GLIS3: variants seen among roughly 807,000 people sequenced by gnomAD.
GLIS3 encodes the protein zinc finger protein GLIS3.
GLIS3 carries 53 observed loss-of-function variants against 78.6 expected under a neutral mutation model. The ratio of observed to expected loss-of-function variants is 0.67; its 90% CI spans 0.54 to 0.85. The LOEUF is 0.85. Among genes scored for constraint, GLIS3 ranks in the 40% least tolerant of loss-of-function variants. The pLI is 0.00. For missense variants in GLIS3, 1,703 were observed against 1,231.1 expected (o/e 1.38, Z -5.74); for synonymous variants, 684 against 509.9 (o/e 1.34, Z -4.60).
At chr9:4,094,067 C>A (rs1322778923) in intron 4 of GLIS3, among the ~76,000 whole-genome samples, 1 of 152,104 alleles carries the variant, frequency 6.6e-6, no homozygotes, top group Non-Finnish European at 1.5e-5. Context: ...ATCATCTGTT[C>A]CGTGGATGCT....
At chr9:4,174,330 T>A (rs560521093) in intron 2 of GLIS3, among the ~76,000 whole-genome samples, 111 of 152,284 alleles carry the variant, frequency 7.3e-4, no homozygotes, top group Non-Finnish European at 1.2e-3. Context: ...TGCTTGGACA[T>A]GCCAAGGAAA....
chr9:4,132,635 A>G (rs1586762452), intron 2 of GLIS3, among the ~76,000 whole-genome samples: 2 of 152,116 alleles, frequency 1.3e-5, no homozygotes, highest in Non-Finnish European at 2.9e-5. Context: ...AGCAAGATTA[A>G]CCCAGTCCCC....
intron 2 of GLIS3, among the ~76,000 whole-genome samples, chr9:4,245,404 T>G (rs1054545830): frequency 6.6e-6 from 1 of 152,218 alleles, no homozygotes; most frequent in Non-Finnish European, 1.5e-5. Flanking sequence ...AAATTTCAAT[T>G]ATAAGCAATT....
chr9:4,015,261 T>G (rs1191558855), intron 4 of GLIS3, among the ~76,000 whole-genome samples: 1 of 152,142 alleles, frequency 6.6e-6, no homozygotes, highest in Non-Finnish European at 1.5e-5. Flanking sequence ...ATTGGTAGCA[T>G]TAGAGAATTG....
intron 4 of GLIS3, among the ~76,000 whole-genome samples, chr9:4,031,283 T>G (rs953482583): frequency 4.6e-5 from 7 of 152,156 alleles, no homozygotes; most frequent in African/African-American, 1.4e-4. Flanking sequence ...GACATGTACA[T>G]GCAATGGAAT....
chr9:4,462,802 C>G, the GLIS3 span, among the ~76,000 whole-genome samples: 136 of 152,190 alleles, frequency 8.9e-4, no homozygotes, highest in Non-Finnish European at 1.6e-3. Flanking sequence ...ACAGCAAGAT[C>G]TTGCCTCAAA....
intron 2 of GLIS3, among the ~76,000 whole-genome samples, chr9:4,269,185 T>A (rs1826282656): frequency 6.6e-6 from 1 of 152,156 alleles, no homozygotes; most frequent in Non-Finnish European, 1.5e-5. Flanking sequence ...CTCTAAGGGA[T>A]CTCCTCTCAA....
rs557983922 is a variant in GLIS3 at position 4,184,293 on chromosome 9, T to C, written c.389-58352A>G. 2.1e-3 allele frequency among the ~76,000 whole-genome samples: 324 copies of C among 152,336 alleles called. 2 individuals carry two copies. Among genetic ancestry groups the C allele is most frequent in the Non-Finnish European group, 3.6e-3 (247 of 68,032 alleles). On this transcript the variant is annotated intron_variant, in intron 2 of 10. Coordinates refer to ENST00000381971, the MANE Select transcript of GLIS3 (RefSeq NM_001042413.2). ...GAGCCCTTGTGTCTTTGCATGAAGA[T>C]ATGTGACTGCACAAGGATGTTGTAA...
At chr9:3,988,641 C>G in intron 4 of GLIS3, among the ~76,000 whole-genome samples, 1 of 152,038 alleles carries the variant, frequency 6.6e-6, no homozygotes, top group East Asian at 1.9e-4. Context: ...GATGCATAAT[C>G]AACTCAGTGA....
rs115554018 is a variant in GLIS3 at position 4,000,536 on chromosome 9, C to T, written c.1711-63347G>A. On this transcript the variant is annotated intron_variant, in intron 4 of 10. Coordinates refer to ENST00000381971, the MANE Select transcript of GLIS3 (RefSeq NM_001042413.2). ...TATATTCACTCTGGTAGGTAAAATA[C>T]ATTTATCTACCAGAGGGTAGAAAAT... Among the ~76,000 whole-genome samples, 735 of 151,994 alleles carry T rather than the reference C, an allele frequency of 4.8e-3. 6 individuals are homozygous for T. Among genetic ancestry groups the T allele is most frequent in the African/African-American group, 0.016 (681 of 41,442 alleles).
the GLIS3 span, among the ~76,000 whole-genome samples, chr9:4,359,565 C>A: frequency 1.3e-5 from 2 of 152,168 alleles, no homozygotes; most frequent in Admixed American, 1.3e-4. Flanking sequence ...ACAGGGGCAA[C>A]AGACCCACTA....
intron 6 of GLIS3, among the ~76,000 whole-genome samples, chr9:3,911,998 G>A (rs1156739556): frequency 2.0e-5 from 3 of 152,124 alleles, no homozygotes; most frequent in Non-Finnish European, 4.4e-5. Context: ...GGAAAAGGAT[G>A]GAGACTTCGG....
chr9:3,858,129 G>A (rs1218784231), intron 8 of GLIS3, among the ~76,000 whole-genome samples: 2 of 152,046 alleles, frequency 1.3e-5, no homozygotes, highest in Middle Eastern at 3.2e-3. Context: ...TCCTTTGATC[G>A]GCTCCCCAAT....
chr9:4,283,877 T>C (rs1827768184), intron 2 of GLIS3, among the ~76,000 whole-genome samples: 1 of 152,142 alleles, frequency 6.6e-6, no homozygotes, highest in Non-Finnish European at 1.5e-5. Context: ...AATACAGCTG[T>C]CCTCTACCCC....
chr9:4,322,123 G>T (rs777662684), intron 2 of GLIS3, among the ~76,000 whole-genome samples: 4 of 152,124 alleles, frequency 2.6e-5, no homozygotes, highest in Non-Finnish European at 5.9e-5. Context: ...GTGAGAACAT[G>T]CGGTGTTTGG....
At chr9:3,904,392 C>T (rs781664280) in intron 6 of GLIS3, among the ~76,000 whole-genome samples, 3 of 152,214 alleles carry the variant, frequency 2.0e-5, no homozygotes, top group East Asian at 1.9e-4. Context: ...CAAGAGTTTT[C>T]GGCCTGCCCT....
At chr9:4,345,495 A>G (rs563834951) in intron 2 of GLIS3, among the ~76,000 whole-genome samples, 9 of 152,210 alleles carry the variant, frequency 5.9e-5, no homozygotes, top group East Asian at 1.9e-4. Context: ...TAGGTGCTCA[A>G]TAAGTATTTT....
intron 2 of GLIS3, among the ~76,000 whole-genome samples, chr9:4,284,097 C>T (rs1056146483): frequency 2.6e-5 from 4 of 152,294 alleles, no homozygotes; most frequent in African/African-American, 7.2e-5. Flanking sequence ...CACTGCTGAC[C>T]GCCATCAAAG....
intron 2 of GLIS3, among the ~76,000 whole-genome samples, chr9:4,208,279 G>A (rs892301684): frequency 2.0e-5 from 3 of 152,144 alleles, no homozygotes; most frequent in African/African-American, 4.8e-5. Context: ...ATAATTAAGC[G>A]GCTTGGGCAT....
Sources: allele counts gnomAD v4.1 joint callset (sites outside exome capture counted in the v4.1 genomes callset), GRCh38; gene constraint gnomAD v4.1.1; transcripts MANE v1.5; gene names NCBI Gene and HGNC (gene_info 2026-07-23, HGNC 2026-07-21).